Variants in RAB37 observed in about 807,000 individuals in gnomAD.
The protein encoded by RAB37 is ras-related protein Rab-37.
In RAB37, 29 loss-of-function variants were observed where a neutral mutation model predicts 33.1. The ratio of observed to expected loss-of-function variants is 0.88; its 90% CI spans 0.65 to 1.20. The LOEUF (loss-of-function observed/expected upper bound fraction) is 1.20. Among genes scored for constraint, RAB37 ranks in the 50% most tolerant of loss-of-function variants. The probability of loss-of-function intolerance (pLI) is 0.00; values close to 1 mark genes in which losing one functional copy is unlikely to be tolerated. For synonymous variants in RAB37, 128 were observed against 119.5 expected, an observed-to-expected ratio of 1.07 and a Z score of -0.47; for missense variants, 299 against 301.1, an observed-to-expected ratio of 0.99 and a Z score of 0.05.
At chr17:74,740,915 C>G in intron 2 of RAB37, 37 bp downstream of exon 2, 1 of 1,481,588 alleles carries the variant, frequency 6.7e-7, no homozygotes, top group Non-Finnish European at 9.4e-7. Context: ...CAGCAGAGAG[C>G]CAGGGCTGTG....
In RAB37 at chr17:74,696,254, A is replaced by G. The variant is rs774537566; in HGVS notation, c.72+24596A>G. The G allele has an allele frequency of 2.0e-5, 32 of 1,591,402 alleles. 1 individual carries two copies. Among genetic ancestry groups the G allele is most frequent in the Middle Eastern group, 3.4e-4 (2 of 5,968 alleles). On this transcript the variant is annotated intron_variant, in intron 1 of 7. Transcript: ENST00000340415. The stretch of plus-strand genomic sequence containing the variant: ...ACAACAATTCAGAATTAGAAAGCCC[A>G]TTCCCCAGACTCACAAGAACCCCCA...
rs1598217616 is a variant in RAB37 at position 74,698,692 on chromosome 17, C to T, written c.72+27034C>T. On this transcript the variant is annotated intron_variant, in intron 1 of 7. Coordinates refer to the RAB37 transcript ENST00000340415. Reference sequence around the variant, plus strand: ...AAAGAAGGGAATGGAACAAGAGACACCAGGGCCTACTTGAGGATGGAGGGT... The same window carrying T: ...AAAGAAGGGAATGGAACAAGAGACATCAGGGCCTACTTGAGGATGGAGGGT... The T allele has an allele frequency of 2.4e-6, 3 of 1,248,190 alleles. No individual in the cohort carries two copies. In the East Asian group the frequency reaches 7.8e-5, roughly 33 times the overall value. 77.3% of individuals were successfully genotyped at this position (1,248,190 alleles called of 1,614,324 possible).
chr17:74,713,025 G>A, intron 1 of RAB37: 1 of 749,656 alleles, frequency 1.3e-6, no homozygotes, highest in Non-Finnish European at 2.2e-6. Context: ...GGAGGTGGTT[G>A]GTTGGGCACC....
chr17:74,744,463 T>A lies in RAB37; in HGVS notation c.432+90T>A, dbSNP rs778938457. 7.8e-7 allele frequency: 1 copy of A among 1,280,230 alleles called. No homozygotes were observed. The highest frequency in any genetic ancestry group is 1.8e-5 in the Admixed American group (1 of 57,108). 79.3% of individuals were successfully genotyped at this position (1,280,230 alleles called of 1,614,324 possible). A position where few individuals can be genotyped will look rare whatever the true frequency, so the allele number is the denominator to read the frequency against. On this transcript the variant is annotated intron_variant, in intron 6 of 8. Transcript: ENST00000392613. The surrounding 1 kb of genome is among the most constrained non-coding windows in gnomAD (Gnocchi z 4.2). The stretch of plus-strand genomic sequence containing the variant: ...CCACCCAAGAACAGTTATCTAGGCA[T>A]CCTTCCTGAAAAGGACTCTGCAGCC...
chr17:74,695,578 G>A (rs2032369073), intron 1 of RAB37: 2 of 1,169,014 alleles, frequency 1.7e-6, no homozygotes, highest in South Asian at 1.5e-5. Context: ...GAGCTCCTAG[G>A]CGAGTCCTGC....
intron 1 of RAB37, among the ~76,000 whole-genome samples, chr17:74,720,418 C>T (rs568113555): frequency 1.3e-5 from 2 of 151,628 alleles, no homozygotes; most frequent in Non-Finnish European, 2.9e-5. Context: ...AACCCCATCT[C>T]TACTGAAAAA....
At chr17:74,718,919 T>A (rs993046497) in intron 1 of RAB37, among the ~76,000 whole-genome samples, 2 of 152,200 alleles carry the variant, frequency 1.3e-5, no homozygotes, top group African/African-American at 4.8e-5. Context: ...ACTACCTTTA[T>A]TAGGGCATTT....
chr17:74,714,070 G>A (rs2034115894), intron 1 of RAB37, among the ~76,000 whole-genome samples: 1 of 151,950 alleles, frequency 6.6e-6, no homozygotes, highest in African/African-American at 2.4e-5. Flanking sequence ...AATTAGCTGG[G>A]CGTGGTAGCA....
At chr17:74,697,374 C>A (rs536908269) in intron 1 of RAB37, among the ~76,000 whole-genome samples, 4 of 152,264 alleles carry the variant, frequency 2.6e-5, no homozygotes, top group East Asian at 3.9e-4. Context: ...GGGGTTTTCC[C>A]CTGGTTTCAA....
chr17:74,739,680 C>G (rs2034562522), intron 1 of RAB37, among the ~76,000 whole-genome samples: 1 of 151,860 alleles, frequency 6.6e-6, no homozygotes, highest in Non-Finnish European at 1.5e-5. Context: ...CAGGCGTGTG[C>G]CACCACTCCT....
intron 1 of RAB37, among the ~76,000 whole-genome samples, chr17:74,681,079 G>A (rs1433144614): frequency 3.3e-5 from 5 of 152,242 alleles, no homozygotes; most frequent in African/African-American, 1.2e-4. Flanking sequence ...TCCCCAAGGA[G>A]CTGCGTCCAG....
chr17:74,735,029 G>GAAAGAA (rs1414317915), upstream of RAB37, among the ~76,000 whole-genome samples: 67 of 114,102 alleles, frequency 5.9e-4, 1 homozygote, highest in East Asian at 0.016. Context: ...AAGAAAGAAA[G>GAAAGAA]AAAGAAAGAA....
intron 1 of RAB37, among the ~76,000 whole-genome samples, chr17:74,673,407 C>CAA (rs35423662): frequency 0.013 from 1,760 of 137,868 alleles, 44 homozygotes; most frequent in African/African-American, 0.041. Context: ...GACCTTGTCT[C>CAA]AAAAAAAAAA....
chr17:74,740,575 A>C (rs2034587903), intron 1 of RAB37, among the ~76,000 whole-genome samples, 193 bp from the exon 2 acceptor site: 1 of 152,182 alleles, frequency 6.6e-6, no homozygotes, highest in African/African-American at 2.4e-5. Context: ...AGAGCCTAGG[A>C]GGCTGAGCCA....
chr17:74,704,594 C>A (rs774013701), intron 1 of RAB37: 1 of 1,614,148 alleles, frequency 6.2e-7, no homozygotes, highest in Non-Finnish European at 8.5e-7. Flanking sequence ...AGTGAACGTG[C>A]GGTTTTTCTG....
At chr17:74,711,799 C>T (rs2033981441) in intron 1 of RAB37, among the ~76,000 whole-genome samples, 1 of 152,168 alleles carries the variant, frequency 6.6e-6, no homozygotes, top group Non-Finnish European at 1.5e-5. Flanking sequence ...TACCTGGGTC[C>T]CACTGTAACA....
intron 1 of RAB37, among the ~76,000 whole-genome samples, chr17:74,724,513 G>A (rs188439688): frequency 1.6e-3 from 243 of 152,340 alleles, no homozygotes; most frequent in Admixed American, 4.9e-3. Context: ...TCATGTGTCC[G>A]TGTGAAGAGA....
chr17:74,680,513 C>G (rs1367175733), intron 1 of RAB37, among the ~76,000 whole-genome samples: 1 of 152,142 alleles, frequency 6.6e-6, no homozygotes, highest in African/African-American at 2.4e-5. Context: ...TTGGAGGATT[C>G]AAATGTTTAA....
intron 1 of RAB37, among the ~76,000 whole-genome samples, chr17:74,700,873 G>A (rs1420190247): frequency 6.6e-6 from 1 of 151,416 alleles, no homozygotes; most frequent in Non-Finnish European, 1.5e-5. Context: ...GATTGTATTT[G>A]AAGATAGGAT....
Sources: allele counts gnomAD v4.1 joint callset (sites outside exome capture counted in the v4.1 genomes callset), GRCh38; gene constraint gnomAD v4.1.1; non-coding constraint Gnocchi (gnomAD v3.1); transcripts MANE v1.5; gene names NCBI Gene and HGNC (gene_info 2026-07-23, HGNC 2026-07-21).